The following SLC24A2 variants were observed in gnomAD, a reference collection of about 807,000 sequenced individuals.
The protein encoded by SLC24A2 is sodium/potassium/calcium exchanger 2.
A neutral mutation model predicts 62.0 loss-of-function variants in SLC24A2; 36 were observed. The observed-to-expected ratio is 0.58, with a 90% CI of 0.44 to 0.77. The LOEUF (loss-of-function observed/expected upper bound fraction) is 0.77, where lower values mean the gene tolerates loss of function less well. Ranked by LOEUF, SLC24A2 falls within the 30% of genes least tolerant of loss-of-function variation. The pLI is 0.00. For synonymous variants in SLC24A2, 358 were observed against 294.0 expected (o/e 1.22, Z -2.23); for missense variants, 846 against 817.9 (o/e 1.03, Z -0.42).
At position 19,760,147 on chromosome 9, in the gene SLC24A2, GA is replaced by G. The variant is rs565932318; in HGVS notation, c.930+25789del. ...AGACAGCTTCTCCAAGTCCCACCAA[GA>G]CATTCACCCATTACCTGTAGCTGGG... On this transcript the variant is annotated intron_variant, in intron 2 of 10. Transcript: ENST00000341998. Among the ~76,000 whole-genome samples, 36 of 152,138 alleles carry G rather than the reference GA, an allele frequency of 2.4e-4. No homozygotes were observed. In the South Asian group the frequency reaches 3.7e-3, roughly 16 times the overall value.
chr9:19,867,528 T>A, the SLC24A2 span, among the ~76,000 whole-genome samples: 13 of 152,332 alleles, frequency 8.5e-5, no homozygotes, highest in African/African-American at 3.1e-4. Flanking sequence ...TAGTGCTGTC[T>A]CCTCTTTCAT....
intron 2 of SLC24A2, among the ~76,000 whole-genome samples, chr9:19,763,712 G>C (rs1822419414): frequency 6.6e-6 from 1 of 152,164 alleles, no homozygotes; most frequent in African/African-American, 2.4e-5. Flanking sequence ...GATTCGGTTT[G>C]CCAGCATTTT....
intron 7 of SLC24A2, among the ~76,000 whole-genome samples, chr9:19,553,528 T>C (rs964991474): frequency 2.6e-5 from 4 of 152,232 alleles, no homozygotes; most frequent in African/African-American, 7.2e-5. Flanking sequence ...ATCTTTGATA[T>C]GAAAAATCTG....
chr9:20,190,799 A>T, the SLC24A2 span, among the ~76,000 whole-genome samples: 1,100 of 152,328 alleles, frequency 7.2e-3, 8 homozygotes, highest in African/African-American at 0.024. Flanking sequence ...ACTTCGGGAA[A>T]ATTATGTAAA....
At chr9:19,935,775 G>A in the SLC24A2 span, among the ~76,000 whole-genome samples, 1 of 152,140 alleles carries the variant, frequency 6.6e-6, no homozygotes, top group Non-Finnish European at 1.5e-5. Context: ...ATAGGGAAGG[G>A]AACCACCAAG....
At chr9:19,884,850 G>C in the SLC24A2 span, among the ~76,000 whole-genome samples, 4 of 152,174 alleles carry the variant, frequency 2.6e-5, no homozygotes, top group Non-Finnish European at 5.9e-5. Flanking sequence ...TTTAAGGTAG[G>C]TTAGACTAAG....
At chr9:20,186,040 G>C in the SLC24A2 span, among the ~76,000 whole-genome samples, 7 of 152,098 alleles carry the variant, frequency 4.6e-5, no homozygotes, top group African/African-American at 1.7e-4. Flanking sequence ...TATTGTTTAG[G>C]AGCCTTGGAG....
chr9:19,885,188 C>T, the SLC24A2 span, among the ~76,000 whole-genome samples: 62,362 of 152,028 alleles, frequency 0.41, 13,392 homozygotes, highest in East Asian at 0.84. Context: ...AGAACTCTCA[C>T]TGGACCCGTT....
the SLC24A2 span, among the ~76,000 whole-genome samples, chr9:20,066,547 T>C: frequency 6.6e-6 from 1 of 152,348 alleles, no homozygotes; most frequent in Non-Finnish European, 1.5e-5. Flanking sequence ...ATTCCACTTT[T>C]TAAGGACCTA....
the SLC24A2 span, among the ~76,000 whole-genome samples, chr9:19,970,345 T>C: frequency 6.6e-6 from 1 of 152,198 alleles, no homozygotes; most frequent in Non-Finnish European, 1.5e-5. Flanking sequence ...CCAAGTTTTA[T>C]GTAAATTAAA....
the SLC24A2 span, among the ~76,000 whole-genome samples, chr9:19,958,396 G>C: frequency 2.1e-4 from 32 of 152,182 alleles, no homozygotes; most frequent in African/African-American, 6.5e-4. Context: ...TCCACACAGA[G>C]GTCTGTTTCT....
the SLC24A2 span, among the ~76,000 whole-genome samples, chr9:20,177,207 A>T: frequency 6.6e-6 from 1 of 152,072 alleles, no homozygotes; most frequent in Non-Finnish European, 1.5e-5. Context: ...ATTTAAGTTC[A>T]TATCTGTAGT....
chr9:19,829,313 G>A, the SLC24A2 span, among the ~76,000 whole-genome samples: 1 of 152,144 alleles, frequency 6.6e-6, no homozygotes, highest in East Asian at 1.9e-4. Flanking sequence ...CGGTGTGGTT[G>A]ATATAGCTTC....
At chr9:20,072,408 G>C in the SLC24A2 span, among the ~76,000 whole-genome samples, 1 of 152,086 alleles carries the variant, frequency 6.6e-6, no homozygotes, top group South Asian at 2.1e-4. Context: ...GCCTGCTTCT[G>C]AGGCCTAAAG....
chr9:19,815,099 A>G, the SLC24A2 span, among the ~76,000 whole-genome samples: 4 of 152,154 alleles, frequency 2.6e-5, no homozygotes, highest in South Asian at 8.3e-4. Flanking sequence ...AATCAGAGAG[A>G]ACTTTCCTAT....
chr9:19,861,595 C>T, the SLC24A2 span, among the ~76,000 whole-genome samples: 19 of 152,056 alleles, frequency 1.2e-4, no homozygotes, highest in African/African-American at 2.2e-4. Flanking sequence ...AATAATGCAC[C>T]ATGGATCAAT....
the SLC24A2 span, among the ~76,000 whole-genome samples, chr9:19,932,806 G>A: frequency 1.3e-5 from 2 of 152,212 alleles, no homozygotes; most frequent in East Asian, 3.9e-4. Context: ...CCTGGGACAA[G>A]CGTACAAAGG....
the SLC24A2 span, among the ~76,000 whole-genome samples, chr9:20,062,291 G>C: frequency 1.3e-5 from 2 of 151,888 alleles, no homozygotes; most frequent in African/African-American, 2.4e-5. Flanking sequence ...TACCAAAACA[G>C]AGATATAGAT....
At chr9:19,679,201 A>C (rs1301545044) in intron 2 of SLC24A2, among the ~76,000 whole-genome samples, 2 of 152,176 alleles carry the variant, frequency 1.3e-5, no homozygotes, top group Non-Finnish European at 2.9e-5. Flanking sequence ...TTACCTATAC[A>C]TACCAAAGGG....
Sources: gnomAD v4.1 joint callset for allele counts (sites outside exome capture counted in the v4.1 genomes callset) on GRCh38, gnomAD v4.1.1 for gene constraint, MANE v1.5 for transcripts, NCBI Gene and HGNC (gene_info 2026-07-23, HGNC 2026-07-21) for gene names.